DOCK10: variants seen among roughly 807,000 people sequenced by gnomAD.
DOCK10 encodes the protein dedicator of cytokinesis protein 10.
Under a neutral mutation model 280.1 loss-of-function variants are expected in DOCK10, and 145 were observed. The ratio of observed to expected loss-of-function variants is 0.52; its 90% CI spans 0.45 to 0.59. DOCK10 has a LOEUF of 0.59. Among genes scored for constraint, DOCK10 ranks in the 20% least tolerant of loss-of-function variants. DOCK10 has a pLI of 0.00. For missense variants in DOCK10, 2,368 were observed against 2,651.7 expected, an observed-to-expected ratio of 0.89 and a Z score of 2.35; for synonymous variants, 915 against 942.2, an observed-to-expected ratio of 0.97 and a Z score of 0.53.
At chr2:224,917,651 A>T (rs191445637) in intron 2 of DOCK10, among the ~76,000 whole-genome samples, 50 of 152,290 alleles carry the variant, frequency 3.3e-4, no homozygotes, top group Non-Finnish European at 1.2e-4. Context: ...AAATAAGAAA[A>T]CTTTTTCAAC....
chr2:224,911,388 CA>C, intron 3 of DOCK10, among the ~76,000 whole-genome samples: 1 of 152,300 alleles, frequency 6.6e-6, no homozygotes, highest in Non-Finnish European at 1.5e-5. Context: ...TCTTGAAGCA[CA>C]AGCAAAACTG....
intron 40 of DOCK10, among the ~76,000 whole-genome samples, 200 bp from the exon 41 acceptor site, chr2:224,800,463 C>T (rs1269374025): frequency 6.6e-6 from 1 of 152,042 alleles, no homozygotes; most frequent in Admixed American, 6.6e-5. Context: ...GTGCCCTTTC[C>T]ATATATCAGT....
intron 4 of DOCK10, among the ~76,000 whole-genome samples, chr2:224,889,965 T>A (rs1437720141): frequency 6.6e-6 from 1 of 152,042 alleles, no homozygotes; most frequent in Non-Finnish European, 1.5e-5. Context: ...AGAAGATGAG[T>A]GTTCCAGGAT....
chr2:224,793,927 G>A (rs1039156831), intron 45 of DOCK10, among the ~76,000 whole-genome samples: 12 of 152,090 alleles, frequency 7.9e-5, no homozygotes, highest in Admixed American at 7.2e-4. Flanking sequence ...ATTGACTAGT[G>A]TGACACAATG....
intron 2 of DOCK10, among the ~76,000 whole-genome samples, chr2:224,920,468 A>C (rs1301622757): frequency 6.6e-6 from 1 of 151,984 alleles, no homozygotes; most frequent in Non-Finnish European, 1.5e-5. Flanking sequence ...TAAATAAACT[A>C]TATTGAAGTT....
At chr2:225,018,754 C>T (rs200415567) in intron 1 of DOCK10, among the ~76,000 whole-genome samples, 3 of 76,462 alleles carry the variant, frequency 3.9e-5, no homozygotes, top group African/African-American at 7.4e-5. Flanking sequence ...TACACATACA[C>T]ATATGTGTAT....
intron 11 of DOCK10, among the ~76,000 whole-genome samples, chr2:224,867,953 G>C (rs1257658845): frequency 2.6e-5 from 4 of 152,182 alleles, no homozygotes; most frequent in Non-Finnish European, 4.4e-5. Flanking sequence ...ATGGGATATA[G>C]AAAGTCATCT....
At position 224,873,999 on chromosome 2, in the gene DOCK10, C is replaced by T. The variant is rs772569614; in HGVS notation, c.1254G>A (p.Thr418=). Residue 418 remains threonine (T), a synonymous_variant, in exon 11 of 56, where the codon ACG becomes ACA. Transcript: ENST00000258390. ...CVTENENDPI[T]NIEPFFVSVA... ...ATGTAACAGAGGAGAAACTTACATT[C>T]GTTATCGGATCATTTTCATTCTCCG... 18 of 1,609,524 alleles carry T rather than the reference C, an allele frequency of 1.1e-5. No individual in the cohort carries two copies. Among genetic ancestry groups the T allele is most frequent in the African/African-American group, 1.3e-5 (1 of 74,664 alleles).
At chr2:224,964,339 C>A (rs1414891512) in intron 1 of DOCK10, among the ~76,000 whole-genome samples, 1 of 152,162 alleles carries the variant, frequency 6.6e-6, no homozygotes, top group South Asian at 2.1e-4. Flanking sequence ...AATAACAAAC[C>A]TCTTTGAAAG....
At chr2:224,952,026 T>C (rs1703770035) in intron 1 of DOCK10, among the ~76,000 whole-genome samples, 1 of 152,188 alleles carries the variant, frequency 6.6e-6, no homozygotes, top group Non-Finnish European at 1.5e-5. Flanking sequence ...CTTCTGTATC[T>C]CTCTGCTGTA....
chr2:224,779,283 T>C (rs2125024396), intron 50 of DOCK10, among the ~76,000 whole-genome samples: 1 of 151,618 alleles, frequency 6.6e-6, no homozygotes, highest in Admixed American at 6.6e-5. Flanking sequence ...AGGTGTGACC[T>C]TGGCTCACTG....
chr2:224,976,588 C>T (rs775021459), intron 1 of DOCK10, among the ~76,000 whole-genome samples: 11 of 151,378 alleles, frequency 7.3e-5, no homozygotes, highest in Non-Finnish European at 1.0e-4. Flanking sequence ...GTTCTCAGAC[C>T]CTCAGGTGAA....
intron 1 of DOCK10, among the ~76,000 whole-genome samples, chr2:224,964,366 A>AG (rs1704614058): frequency 1.3e-5 from 2 of 152,186 alleles, no homozygotes; most frequent in African/African-American, 4.8e-5. Context: ...GACCTGACTC[A>AG]TCAGTAATTC....
In DOCK10 at chr2:224,837,781, G is replaced by A; in HGVS notation, c.2831C>T (p.Ser944Phe). 6.2e-7 allele frequency: 1 copy of A among 1,613,916 alleles called. No homozygotes were observed. The highest frequency in any genetic ancestry group is 8.5e-7 in the Non-Finnish European group (1 of 1,179,840). Residue 944 changes from serine to phenylalanine, a missense_variant, in exon 25 of 56, where the codon TCT (serine) becomes TTT (phenylalanine). Transcript: ENST00000258390. ...TCATACCTTAATATATGACTGGACA[G>A]AATGATCCAGCTGCTCCTCATGGCA... ...AKCHEEQLDH[S>F]VQSYIKFVFK...
Position 224,819,583 on chromosome 2 carries a change from G to T in DOCK10, c.3184-54C>A, listed in dbSNP as rs1405912116. 6.1e-6 allele frequency: 7 copies of T among 1,154,550 alleles called. No homozygotes were observed. The African/African-American group carries it at 6.7e-5, about 11-fold the overall frequency. 71.5% of individuals were successfully genotyped at this position (1,154,550 alleles called of 1,614,324 possible). A position where few individuals can be genotyped will look rare whatever the true frequency, so the allele number is the denominator to read the frequency against. On this transcript the variant is annotated intron_variant, in intron 28 of 55. Coordinates refer to ENST00000258390, the MANE Select transcript of DOCK10 (RefSeq NM_014689.3). ...CACTTTTACTTGAAGAATCATTAAAGATTTTAGAAAATATGATTAAATATA... is the reference window on the plus strand; with the variant it reads ...CACTTTTACTTGAAGAATCATTAAATATTTTAGAAAATATGATTAAATATA...
chr2:224,856,242 TAGAC>T (rs1391050160), intron 15 of DOCK10, among the ~76,000 whole-genome samples: 1 of 152,240 alleles, frequency 6.6e-6, no homozygotes, highest in African/African-American at 2.4e-5. Flanking sequence ...CCCCTTAAAT[TAGAC>T]AGTAATAATT....
At chr2:224,975,988 G>A (rs1349343082) in intron 1 of DOCK10, among the ~76,000 whole-genome samples, 2 of 152,182 alleles carry the variant, frequency 1.3e-5, no homozygotes, top group Non-Finnish European at 2.9e-5. Flanking sequence ...TCCCTATATT[G>A]CTGAGTGAGT....
chr2:224,843,925 G>C (rs1696154335), intron 22 of DOCK10, among the ~76,000 whole-genome samples: 1 of 152,176 alleles, frequency 6.6e-6, no homozygotes. Context: ...TTAGGTAGCA[G>C]AGACTCTGTT....
At chr2:225,023,531 T>G (rs779083628) in intron 1 of DOCK10, among the ~76,000 whole-genome samples, 1 of 152,090 alleles carries the variant, frequency 6.6e-6, no homozygotes, top group African/African-American at 2.4e-5. Flanking sequence ...ACCACCAAAC[T>G]GGCAAAAATC....
Sources: allele counts gnomAD v4.1 joint callset (sites outside exome capture counted in the v4.1 genomes callset), GRCh38; gene constraint gnomAD v4.1.1; transcripts MANE v1.5; gene names NCBI Gene and HGNC (gene_info 2026-07-23, HGNC 2026-07-21).